Variants in GRIK4 observed in about 807,000 individuals in gnomAD.
GRIK4 encodes glutamate receptor ionotropic, kainate 4.
In GRIK4, 40 loss-of-function variants were observed where a neutral mutation model predicts 104.9. The observed-to-expected ratio is 0.38, with a 90% CI of 0.30 to 0.50. The LOEUF is 0.50. Among genes scored for constraint, GRIK4 ranks in the 20% least tolerant of loss-of-function variants. The pLI is 0.93. For synonymous variants in GRIK4, 485 were observed against 524.9 expected (o/e 0.92, Z 1.04); for missense variants, 1,047 against 1,308.1 (o/e 0.80, Z 3.08).
intron 3 of GRIK4, among the ~76,000 whole-genome samples, chr11:120,791,321 T>G (rs1196868645): frequency 2.0e-5 from 3 of 152,202 alleles, no homozygotes; most frequent in Non-Finnish European, 2.9e-5. Flanking sequence ...TAGTAATATA[T>G]CATTATGGTT....
chr11:120,720,655 G>C (rs1950916001), intron 3 of GRIK4, among the ~76,000 whole-genome samples: 1 of 152,164 alleles, frequency 6.6e-6, no homozygotes, highest in South Asian at 2.1e-4. Flanking sequence ...GAAGGTGCTG[G>C]CACCAGGATA....
intron 1 of GRIK4, among the ~76,000 whole-genome samples, chr11:120,583,800 G>A (rs967926373): frequency 1.3e-5 from 2 of 152,136 alleles, no homozygotes; most frequent in African/African-American, 2.4e-5. Context: ...AGATTGCTTT[G>A]GGCAGTATGG....
chr11:120,776,940 T>C (rs1445717035), intron 3 of GRIK4, among the ~76,000 whole-genome samples: 1 of 152,144 alleles, frequency 6.6e-6, no homozygotes, highest in Non-Finnish European at 1.5e-5. Context: ...ATTTCTGCCA[T>C]GTGCTGTTGG....
At chr11:120,760,427 A>G (rs955339509) in intron 3 of GRIK4, among the ~76,000 whole-genome samples, 5 of 116,048 alleles carry the variant, frequency 4.3e-5, no homozygotes, top group African/African-American at 2.2e-4. Flanking sequence ...ATATAAACAT[A>G]TATATACATA....
intron 3 of GRIK4, among the ~76,000 whole-genome samples, chr11:120,769,843 G>A (rs1489917271): frequency 1.3e-5 from 2 of 152,168 alleles, no homozygotes; most frequent in African/African-American, 4.8e-5. Flanking sequence ...TGGACAGTGA[G>A]GCTTACAACA....
At chr11:120,875,291 A>C (rs753740564) in intron 11 of GRIK4, 48 bp downstream of exon 11, 2 of 1,139,156 alleles carry the variant, frequency 1.8e-6, no homozygotes, top group South Asian at 2.5e-5. Context: ...TCTCTGTTCC[A>C]TTTCATTGAT....
chr11:120,614,491 C>T (rs752054124), intron 1 of GRIK4, among the ~76,000 whole-genome samples: 20 of 152,172 alleles, frequency 1.3e-4, no homozygotes, highest in Non-Finnish European at 2.4e-4. Context: ...TGGAGGCCCC[C>T]GGATCAGCGA....
chr11:120,855,180 A>G (rs1233301382), intron 8 of GRIK4, among the ~76,000 whole-genome samples: 1 of 152,224 alleles, frequency 6.6e-6, no homozygotes, highest in African/African-American at 2.4e-5. Context: ...GCTGCTGGAC[A>G]GCTCTCAGCA....
chr11:120,918,776 G>C (rs1943166133), intron 13 of GRIK4, among the ~76,000 whole-genome samples: 1 of 152,150 alleles, frequency 6.6e-6, no homozygotes, highest in South Asian at 2.1e-4. Flanking sequence ...AAATGGTATG[G>C]GAGCACAGAG....
intron 7 of GRIK4, among the ~76,000 whole-genome samples, chr11:120,833,084 C>T (rs77532079): frequency 1.3e-5 from 2 of 151,946 alleles, no homozygotes; most frequent in Non-Finnish European, 2.9e-5. Context: ...CCCCTCCTTC[C>T]CTCCCTCCCT....
chr11:120,597,263 C>T (rs1187639194), intron 1 of GRIK4, among the ~76,000 whole-genome samples: 1 of 152,228 alleles, frequency 6.6e-6, no homozygotes, highest in African/African-American at 2.4e-5. Flanking sequence ...CTGCTCCTTA[C>T]CTGCTGGGTG....
chr11:120,714,614 G>A (rs1232009137), intron 3 of GRIK4, among the ~76,000 whole-genome samples: 1 of 152,210 alleles, frequency 6.6e-6, no homozygotes, highest in Non-Finnish European at 1.5e-5. Flanking sequence ...GCGTCCCATA[G>A]CAAGGCCCTG....
At chr11:120,755,104 G>A (rs1951630144) in intron 3 of GRIK4, among the ~76,000 whole-genome samples, 1 of 152,160 alleles carries the variant, frequency 6.6e-6, no homozygotes, top group Non-Finnish European at 1.5e-5. Flanking sequence ...CAGGGCAGAG[G>A]TTCAAAGTTT....
chr11:120,687,600 T>C (rs1950295901), intron 3 of GRIK4, among the ~76,000 whole-genome samples: 1 of 152,218 alleles, frequency 6.6e-6, no homozygotes, highest in South Asian at 2.1e-4. Context: ...CTAATAACTT[T>C]TTTATTGAAT....
chr11:120,781,633 T>C (rs1028260684), intron 3 of GRIK4, among the ~76,000 whole-genome samples: 46 of 152,330 alleles, frequency 3.0e-4, no homozygotes, highest in African/African-American at 1.1e-3. Flanking sequence ...ATTGCAGGCA[T>C]GAGCCACCGT....
In GRIK4 at chr11:120,986,102, C is replaced by T. The variant is rs746854584; in HGVS notation, c.2713C>T (p.Leu905=). Residue 905 remains leucine, a synonymous_variant, in exon 21 of 21, where the codon CTG becomes TTG. Coordinates refer to ENST00000527524, the MANE Select transcript of GRIK4 (RefSeq NM_014619.5). ...GGAGCCCGACCAGCTCGCGCAGAGA[C>T]TGGCGCAGGAGGCCGCCCTGGTGGC... The part of the protein sequence containing the change: ...AGEPDQLAQR[L]AQEAALVARG... 2 of 1,513,764 alleles carry T rather than the reference C, an allele frequency of 1.3e-6. No homozygotes were observed. Among genetic ancestry groups the T allele is most frequent in the South Asian group, 1.2e-5 (1 of 81,572 alleles). The allele number at this position is 1,513,764 out of a possible 1,614,324, so 93.8% of individuals were successfully genotyped here. A position where few individuals can be genotyped will look rare whatever the true frequency, so the allele number is the denominator to read the frequency against.
intron 3 of GRIK4, among the ~76,000 whole-genome samples, chr11:120,734,292 G>A (rs1951187099): frequency 6.6e-6 from 1 of 152,120 alleles, no homozygotes; most frequent in Non-Finnish European, 1.5e-5. Flanking sequence ...TATGCTTGAA[G>A]GATATTTTCA....
At chr11:120,878,560 CA>C (rs1209201196) in intron 11 of GRIK4, among the ~76,000 whole-genome samples, 4 of 152,084 alleles carry the variant, frequency 2.6e-5, no homozygotes, top group African/African-American at 9.7e-5. Flanking sequence ...CTAAGGGACA[CA>C]TACTCTTGAT....
chr11:120,986,010 C>T lies in GRIK4; in HGVS notation c.2621C>T (p.Pro874Leu). 6.5e-7 allele frequency: 1 copy of T among 1,529,660 alleles called. No homozygotes were observed. The highest frequency in any genetic ancestry group is 8.8e-7 in the Non-Finnish European group (1 of 1,139,114). 94.8% of individuals were successfully genotyped at this position (1,529,660 alleles called of 1,614,324 possible). ...GCCGCAGTCCCGCCGCCCCGGCCCC[C>T]CATCCCCGAGGAGCGCCGACCGCGG... ...RRAAVPPPRP[P>L]IPEERRPRGT... The change falls in exon 21 of 21, where the codon CCC (proline) becomes CTC (leucine). Residue 874 changes from proline to leucine, a missense_variant. Pro to Leu is a moderately conservative substitution (Grantham distance 98). Coordinates refer to ENST00000527524, the MANE Select transcript of GRIK4 (RefSeq NM_014619.5).
Sources: allele counts gnomAD v4.1 joint callset (sites outside exome capture counted in the v4.1 genomes callset), GRCh38; gene constraint gnomAD v4.1.1; transcripts MANE v1.5; gene names NCBI Gene and HGNC (gene_info 2026-07-23, HGNC 2026-07-21).